The following PDE10A variants were observed in gnomAD, a reference collection of about 807,000 sequenced individuals.
PDE10A encodes phosphodiesterase 10A.
In PDE10A, 39 loss-of-function variants were observed where a neutral mutation model predicts 97.7. The ratio of observed to expected loss-of-function variants is 0.40; its 90% CI spans 0.31 to 0.52. PDE10A has a LOEUF of 0.52. Among genes scored for constraint, PDE10A ranks in the 20% least tolerant of loss-of-function variants. The pLI, the probability that PDE10A is intolerant of heterozygous loss-of-function variation, is 0.56. For missense variants in PDE10A, 731 were observed against 1,047.8 expected (o/e 0.70, Z 4.17); for synonymous variants, 371 against 376.8 (o/e 0.98, Z 0.18).
In PDE10A at chr6:165,847,817, A is replaced by G. The variant is rs537273122; in HGVS notation, c.-615+139712T>C. On this transcript the variant is annotated intron_variant, in intron 1 of 19. Transcript: ENST00000366882. ...AACAAAGTTAACTTAAATCTGAACC[A>G]TTAAGATGTGAATTGCTTTTGAGCG... Among the ~76,000 whole-genome samples the G allele has an allele frequency of 8.5e-5, 13 of 152,376 alleles. No homozygotes were observed. The South Asian group carries it at 2.7e-3, about 32-fold the overall frequency.
At chr6:165,673,756 A>G (rs1459976399) in intron 1 of PDE10A, among the ~76,000 whole-genome samples, 1 of 152,094 alleles carries the variant, frequency 6.6e-6, no homozygotes, top group Non-Finnish European at 1.5e-5. Flanking sequence ...TTTTTCCCTG[A>G]GTTGAGCTTT....
intron 1 of PDE10A, among the ~76,000 whole-genome samples, chr6:165,620,821 G>T (rs1392586850): frequency 7.9e-5 from 12 of 152,172 alleles, no homozygotes; most frequent in Non-Finnish European, 2.9e-5. Flanking sequence ...AGGAGATCAA[G>T]ACCATCCTGG....
intron 1 of PDE10A, among the ~76,000 whole-genome samples, chr6:165,887,660 T>C (rs1338967301): frequency 1.3e-5 from 2 of 152,188 alleles, no homozygotes; most frequent in Admixed American, 1.3e-4. Context: ...TCTGAACTCA[T>C]ATCCAACCCA....
chr6:165,759,336 A>G (rs1384745405), intron 1 of PDE10A, among the ~76,000 whole-genome samples: 1 of 152,198 alleles, frequency 6.6e-6, no homozygotes, highest in East Asian at 1.9e-4. Flanking sequence ...GGCCAGGGAC[A>G]GCGTTGAGAG....
At chr6:165,517,833 C>T (rs147912897) in intron 2 of PDE10A, among the ~76,000 whole-genome samples, 18 of 152,188 alleles carry the variant, frequency 1.2e-4, no homozygotes, top group East Asian at 7.7e-4. Flanking sequence ...GAACTATACA[C>T]GAGAAAAATA....
At chr6:165,793,329 G>A (rs1778707327) in intron 1 of PDE10A, among the ~76,000 whole-genome samples, 1 of 151,952 alleles carries the variant, frequency 6.6e-6, no homozygotes, top group Admixed American at 6.6e-5. Context: ...ATATGATGAA[G>A]ATAAAATTCA....
At chr6:165,695,795 G>A (rs894216634) in intron 1 of PDE10A, among the ~76,000 whole-genome samples, 7 of 152,112 alleles carry the variant, frequency 4.6e-5, no homozygotes, top group South Asian at 2.1e-4. Flanking sequence ...AGGGAGAATC[G>A]GGGAATGAGA....
chr6:165,906,701 G>A (rs1344134050), intron 1 of PDE10A, among the ~76,000 whole-genome samples: 2 of 152,192 alleles, frequency 1.3e-5, no homozygotes, highest in African/African-American at 4.8e-5. Flanking sequence ...CCATGGAACA[G>A]AGAAAGCCTG....
chr6:165,632,921 C>G (rs1278995176), intron 1 of PDE10A, among the ~76,000 whole-genome samples: 2 of 152,076 alleles, frequency 1.3e-5, no homozygotes, highest in African/African-American at 4.8e-5. Context: ...CCAGTTCTAG[C>G]TGAAATTCAC....
intron 1 of PDE10A, among the ~76,000 whole-genome samples, chr6:165,880,412 C>T (rs554591945): frequency 6.6e-6 from 1 of 152,256 alleles, no homozygotes; most frequent in South Asian, 2.1e-4. Context: ...GGGTTTGAAT[C>T]TATGTGGACA....
In PDE10A at chr6:165,535,601, G is replaced by A. The variant is rs186228977; in HGVS notation, c.994+7839C>T. On this transcript the variant is annotated intron_variant, in intron 2 of 21. Coordinates refer to ENST00000539869, the MANE Select transcript of PDE10A (RefSeq NM_001385079.1). ...AGTATTCTATGGGGTGTGTGTGTGC[G>A]CGTGTGTGTGTGTGTGTGTACACAC... Among the ~76,000 whole-genome samples the A allele has an allele frequency of 7.3e-4, 110 of 151,362 alleles. 1 individual carries two copies. The East Asian group carries it at 0.014, about 19-fold the overall frequency.
At position 165,330,598 on chromosome 6, in the gene PDE10A, C is replaced by A. The variant is rs1181579751; in HGVS notation, c.*2427G>T. Reference sequence around the variant, plus strand: ...AATATTTCACAAGAAATTAACCAACCAGTAAATCCAATCACATTCCTTTGG... The same window carrying A: ...AATATTTCACAAGAAATTAACCAACAAGTAAATCCAATCACATTCCTTTGG... On this transcript the variant is annotated 3_prime_UTR_variant, in exon 22 of 22. Transcript: ENST00000539869. 2.0e-5 allele frequency: 3 copies of A among 152,118 alleles called. No individual in the cohort carries two copies. The highest frequency in any genetic ancestry group is 6.5e-5 in the Admixed American group (1 of 15,276). The allele number at this position is 152,118 out of a possible 1,614,324, so 9.4% of individuals were successfully genotyped here.
chr6:165,809,218 C>T (rs952470227), intron 1 of PDE10A, among the ~76,000 whole-genome samples: 6 of 151,966 alleles, frequency 3.9e-5, no homozygotes, highest in African/African-American at 9.7e-5. Context: ...AACACTGGTG[C>T]CCCCCTTCAT....
chr6:165,888,381 G>A (rs1427061465), intron 1 of PDE10A, among the ~76,000 whole-genome samples: 1 of 151,934 alleles, frequency 6.6e-6, no homozygotes, highest in Non-Finnish European at 1.5e-5. Context: ...TGCCTCCCAG[G>A]TTTAAGTGAT....
chr6:165,351,063 T>A, intron 18 of PDE10A, among the ~76,000 whole-genome samples: 1 of 152,212 alleles, frequency 6.6e-6, no homozygotes, highest in South Asian at 2.1e-4. Flanking sequence ...TTATAAAGTT[T>A]AAAAAAAATT....
chr6:165,624,018 C>A (rs745769712), intron 1 of PDE10A, among the ~76,000 whole-genome samples: 1 of 152,220 alleles, frequency 6.6e-6, no homozygotes, highest in Non-Finnish European at 1.5e-5. Flanking sequence ...AGTACTCTCT[C>A]CACAAGGCCA....
At chr6:165,334,436 G>A (rs868221525) in intron 21 of PDE10A, among the ~76,000 whole-genome samples, 8 of 148,084 alleles carry the variant, frequency 5.4e-5, no homozygotes, top group Admixed American at 2.7e-4. Context: ...CCTCTATAGC[G>A]CCCTACAGCG....
intron 1 of PDE10A, among the ~76,000 whole-genome samples, chr6:165,578,825 G>A (rs1785459323): frequency 6.6e-6 from 1 of 152,162 alleles, no homozygotes; most frequent in Admixed American, 6.5e-5. Context: ...AACCACTGCT[G>A]CTCCCCTTAA....
chr6:165,987,767 G>A, exon 1 of PDE10A: 1 of 453,312 alleles, frequency 2.2e-6, no homozygotes, highest in Non-Finnish European at 4.4e-6. Context: ...CAAAGGCTTG[G>A]GGCACTCTGG....
Sources: gnomAD v4.1 joint callset for allele counts (sites outside exome capture counted in the v4.1 genomes callset) on GRCh38, gnomAD v4.1.1 for gene constraint, MANE v1.5 for transcripts, NCBI Gene and HGNC (gene_info 2026-07-23, HGNC 2026-07-21) for gene names.